NSD1: variants seen among roughly 807,000 people sequenced by gnomAD.
NSD1 encodes nuclear receptor binding SET domain protein 1.
Under a neutral mutation model 242.7 loss-of-function variants are expected in NSD1, and 26 were observed. The observed-to-expected ratio is 0.11, with a 90% CI of 0.08 to 0.15. The LOEUF is 0.15. NSD1 is among the 10% of genes least tolerant of loss of function. NSD1 has a pLI of 1.00. For missense variants in NSD1, 2,495 were observed against 3,272.8 expected, an observed-to-expected ratio of 0.76 and a Z score of 5.80; for synonymous variants, 1,106 against 1,178.1, an observed-to-expected ratio of 0.94 and a Z score of 1.25.
At chr5:177,291,832 T>A (rs1355957667) in intron 21 of NSD1, 122 bp from the exon 22 acceptor site, 5 of 989,538 alleles carry the variant, frequency 5.1e-6, no homozygotes, top group Non-Finnish European at 7.8e-6. Context: ...TTCCTGCATT[T>A]TATCTTCATG....
chr5:177,210,127 C>A lies in NSD1; in HGVS notation c.1728C>A (p.Asn576Lys), dbSNP rs1479136096. The part of the protein sequence containing the change: ...GSFLFSSCGK[N>K]TAKKEFETSN... The stretch of plus-strand genomic sequence containing the variant: ...TTCTGTTTTCTTCCTGTGGAAAAAA[C>A]ACTGCAAAGAAAGAATTTGAGACTT... Residue 576 changes from asparagine (N) to lysine (K), a missense_variant, in exon 5 of 23, where the codon AAC becomes AAA. This residue lies in a region of NSD1 where 515 missense variants were observed against 467.0 expected (regional missense o/e 1.10). Transcript: ENST00000439151. The A allele has an allele frequency of 1.2e-6, 2 of 1,613,512 alleles. No homozygotes were observed. Among genetic ancestry groups the A allele is most frequent in the Non-Finnish European group, 1.7e-6 (2 of 1,179,822 alleles).
chr5:177,173,092 A>T (rs1759851565), intron 2 of NSD1, among the ~76,000 whole-genome samples: 1 of 151,666 alleles, frequency 6.6e-6, no homozygotes, highest in African/African-American at 2.4e-5. Flanking sequence ...AGGAGATCGA[A>T]ACCATCCTGG....
In NSD1 at chr5:177,299,170, T is replaced by C. The variant is rs1337484221; in HGVS notation, c.*3711T>C. 1 of 233,178 alleles carries C rather than the reference T, an allele frequency of 4.3e-6. No homozygotes were observed. The highest frequency in any genetic ancestry group is 8.5e-6 in the Non-Finnish European group (1 of 118,044). 14.4% of individuals were successfully genotyped at this position (233,178 alleles called of 1,614,324 possible). ...TTGAAATAAGAATAGATCATTGTTT[T>C]GTACACACACACAATAAAATGTAAT... is the stretch of plus-strand genomic sequence containing the variant. On this transcript the variant is annotated 3_prime_UTR_variant, in exon 23 of 23. Transcript: ENST00000439151.
chr5:177,240,402 T>C (rs1254274461), intron 8 of NSD1, among the ~76,000 whole-genome samples: 3 of 152,064 alleles, frequency 2.0e-5, no homozygotes, highest in Non-Finnish European at 4.4e-5. Flanking sequence ...ATACTTTTTG[T>C]GTTTTATTCA....
In NSD1 at chr5:177,256,889, A is replaced by T. The variant is rs563764409; in HGVS notation, c.4766-62A>T. ...AAAATTTCTTATGAACTTTTCACCT[A>T]ATGGTTTAGCATTTGGTAGATTCTT... On this transcript the variant is annotated intron_variant, in intron 12 of 22. Transcript: ENST00000439151. 38 of 1,419,262 alleles carry T rather than the reference A, an allele frequency of 2.7e-5. No individual in the cohort carries two copies. The South Asian group carries it at 4.1e-4, about 15-fold the overall frequency. 87.9% of individuals were successfully genotyped at this position (1,419,262 alleles called of 1,614,324 possible).
At position 177,299,585 on chromosome 5, in the gene NSD1, A is replaced by G. The variant is rs926332808; in HGVS notation, c.*4126A>G. The G allele has an allele frequency of 1.3e-5, 3 of 233,152 alleles. No homozygotes were observed. The highest frequency in any genetic ancestry group is 2.5e-5 in the Non-Finnish European group (3 of 118,032). The allele number at this position is 233,152 out of a possible 1,614,324, so 14.4% of individuals were successfully genotyped here. On this transcript the variant is annotated 3_prime_UTR_variant, in exon 23 of 23. Transcript: ENST00000439151. ...TCTACTGCTTATGAAGATTAAGGGT[A>G]GTATTTTCTAAGGAAGTGGAAAGAA...
At chr5:177,189,881 G>T (rs1020359397) in intron 2 of NSD1, among the ~76,000 whole-genome samples, 2 of 151,986 alleles carry the variant, frequency 1.3e-5, no homozygotes, top group Non-Finnish European at 2.9e-5. Flanking sequence ...TCGATTCTTG[G>T]TATCTCTTAA....
intron 5 of NSD1, among the ~76,000 whole-genome samples, chr5:177,229,336 T>C (rs911279108): frequency 6.6e-6 from 1 of 152,218 alleles, no homozygotes; most frequent in African/African-American, 2.4e-5. Context: ...ATAGTAGGCA[T>C]GACGTACTGG....
In NSD1 at chr5:177,180,757, A is replaced by T. The variant is rs1214007270; in HGVS notation, c.928-11127A>T. ...GAGTGCAGTGACATGATCTCAGCTC[A>T]CTGCATCCTCCGCCTCCCGGGTTCA... On this transcript the variant is annotated intron_variant, in intron 2 of 22. Transcript: ENST00000439151. Among the ~76,000 whole-genome samples the T allele has an allele frequency of 2.6e-5, 4 of 151,930 alleles. No individual in the cohort carries two copies. The East Asian group carries it at 7.7e-4, about 29-fold the overall frequency.
rs1760393436 is a variant in NSD1, at chr5:177,298,620, A to G, written c.*3161A>G. 1 of 233,196 alleles carries G rather than the reference A, an allele frequency of 4.3e-6. No individual in the cohort carries two copies. The highest frequency in any genetic ancestry group is 6.0e-5 in the East Asian group (1 of 16,610). 14.4% of individuals were successfully genotyped at this position (233,196 alleles called of 1,614,324 possible). On this transcript the variant is annotated 3_prime_UTR_variant, in exon 23 of 23. Transcript: ENST00000439151. ...CTTCTGAACCAAATCTTTAGCATTG[A>G]TGAAAATAGTTATTTTATTCTTTAC...
At chr5:177,138,238 A>G (rs144779436) in intron 2 of NSD1, among the ~76,000 whole-genome samples, 7 of 152,286 alleles carry the variant, frequency 4.6e-5, no homozygotes, top group Non-Finnish European at 8.8e-5. Context: ...AGACTTTATC[A>G]CCTTGAAGAA....
intron 2 of NSD1, among the ~76,000 whole-genome samples, chr5:177,165,703 T>A (rs1759129959): frequency 1.3e-5 from 2 of 152,000 alleles, no homozygotes; most frequent in African/African-American, 4.8e-5. Flanking sequence ...AAGCAATCCT[T>A]ACCTCCCACC....
rs534973971 is a variant in NSD1, at chr5:177,247,302, C to T, written c.4497+506C>T. ...GAAATTACCTGAGTGTGGTGGCATG[C>T]GCCTATAATTCCAGCTAATCGGGCA... On this transcript the variant is annotated intron_variant, in intron 10 of 22. Transcript: ENST00000439151. Among the ~76,000 whole-genome samples, 6 of 152,204 alleles carry T rather than the reference C, an allele frequency of 3.9e-5. No homozygotes were observed. The South Asian group carries it at 1.2e-3, about 32-fold the overall frequency.
intron 11 of NSD1, among the ~76,000 whole-genome samples, chr5:177,250,984 G>A (rs1755901750): frequency 6.6e-6 from 1 of 152,138 alleles, no homozygotes; most frequent in African/African-American, 2.4e-5. Context: ...GAGGTGAGGA[G>A]TTTGAGACCA....
intron 16 of NSD1, among the ~76,000 whole-genome samples, chr5:177,270,975 G>A (rs1001009490): frequency 2.0e-5 from 3 of 152,034 alleles, no homozygotes; most frequent in African/African-American, 7.2e-5. Context: ...GTAATCTCAG[G>A]TGGTCAGGGA....
In NSD1 at chr5:177,280,622, C is replaced by T. The variant is rs2127257017; in HGVS notation, c.5680C>T (p.Arg1894Cys). The T allele has an allele frequency of 6.2e-7, 1 of 1,614,174 alleles. No homozygotes were observed. The highest frequency in any genetic ancestry group is 8.5e-7 in the Non-Finnish European group (1 of 1,180,026). ...CACTGCAGACTTATCTGAAATACCCCGTTGCAACTGTAAAGCTACTGATGA... is the reference window on the plus strand; with the variant it reads ...CACTGCAGACTTATCTGAAATACCCTGTTGCAACTGTAAAGCTACTGATGA... ...IFTADLSEIP[R>C]CNCKATDENP... Residue 1894 changes from arginine (R) to cysteine (C), a missense_variant, in exon 18 of 23, where the codon CGT (arginine) becomes TGT (cysteine). By Grantham distance (180) the Arg-to-Cys change is radical. Coordinates refer to ENST00000439151, the MANE Select transcript of NSD1 (RefSeq NM_022455.5).
At chr5:177,255,653 G>C (rs549632021) in intron 12 of NSD1, among the ~76,000 whole-genome samples, 6 of 152,108 alleles carry the variant, frequency 3.9e-5, no homozygotes, top group African/African-American at 1.4e-4. Flanking sequence ...TGTGATCTCA[G>C]CTCACTGCAA....
chr5:177,165,962 T>G (rs1325013768), intron 2 of NSD1, among the ~76,000 whole-genome samples: 2 of 140,552 alleles, frequency 1.4e-5, no homozygotes, highest in Non-Finnish European at 3.0e-5. Flanking sequence ...CAGGCTGGAG[T>G]GCGGTGGCGC....
chr5:177,270,980 C>T (rs1448313564), intron 16 of NSD1, among the ~76,000 whole-genome samples: 4 of 151,936 alleles, frequency 2.6e-5, no homozygotes, highest in African/African-American at 9.7e-5. Flanking sequence ...CTCAGGTGGT[C>T]AGGGATAAAG....
Sources: gnomAD v4.1 joint callset for allele counts (sites outside exome capture counted in the v4.1 genomes callset) on GRCh38, gnomAD v4.1.1 for gene constraint, gnomAD v4.1.1 regional missense constraint, MANE v1.5 for transcripts, NCBI Gene and HGNC (gene_info 2026-07-23, HGNC 2026-07-21) for gene names.